GRID2: variants seen among roughly 807,000 people sequenced by gnomAD.
The protein encoded by GRID2 is glutamate ionotropic receptor delta type subunit 2.
GRID2 carries 33 observed loss-of-function variants against 114.8 expected under a neutral mutation model. The observed-to-expected ratio is 0.29, with a 90% confidence interval of 0.22 to 0.38. The LOEUF (loss-of-function observed/expected upper bound fraction) is 0.38, where lower values mean the gene tolerates loss of function less well. GRID2 is among the 10% of genes least tolerant of loss of function. The pLI, the probability that GRID2 is intolerant of heterozygous loss-of-function variation, is 1.00. For missense variants in GRID2, 1,184 were observed against 1,257.7 expected, an observed-to-expected ratio of 0.94 and a Z score of 0.89; for synonymous variants, 505 against 449.9, an observed-to-expected ratio of 1.12 and a Z score of -1.55.
chr4:92,957,996 C>A (rs995350603), intron 2 of GRID2, among the ~76,000 whole-genome samples: 1 of 151,978 alleles, frequency 6.6e-6, no homozygotes, highest in African/African-American at 2.4e-5. Flanking sequence ...TGTATATTAA[C>A]TTTGCATTCT....
chr4:93,190,051 T>A (rs939619877), intron 4 of GRID2, among the ~76,000 whole-genome samples: 1 of 152,150 alleles, frequency 6.6e-6, no homozygotes, highest in African/African-American at 2.4e-5. Flanking sequence ...TGACTTTGCA[T>A]TTATTTTTTA....
At chr4:93,397,916 A>G (rs1765492623) in intron 9 of GRID2, among the ~76,000 whole-genome samples, 1 of 151,292 alleles carries the variant, frequency 6.6e-6, no homozygotes, top group Admixed American at 6.6e-5. Context: ...AATATTTTTG[A>G]GCCTCAGTTT....
intron 2 of GRID2, among the ~76,000 whole-genome samples, chr4:92,612,931 G>A (rs1729827079): frequency 6.6e-6 from 1 of 150,854 alleles, no homozygotes; most frequent in African/African-American, 2.4e-5. Context: ...ATCATTTTTT[G>A]GTTGCAGTGG....
At chr4:92,896,878 G>A (rs927027848) in intron 2 of GRID2, among the ~76,000 whole-genome samples, 5 of 152,162 alleles carry the variant, frequency 3.3e-5, no homozygotes, top group Non-Finnish European at 7.3e-5. Flanking sequence ...GAGTAGCTGG[G>A]ATTACAGGTA....
intron 14 of GRID2, among the ~76,000 whole-genome samples, chr4:93,743,306 C>T (rs1379704252): frequency 6.6e-6 from 1 of 152,112 alleles, no homozygotes; most frequent in Non-Finnish European, 1.5e-5. Context: ...CATAAAAGTG[C>T]AGGGTAAAGC....
At chr4:93,428,726 A>G (rs1769106740) in intron 10 of GRID2, among the ~76,000 whole-genome samples, 1 of 152,130 alleles carries the variant, frequency 6.6e-6, no homozygotes, top group South Asian at 2.1e-4. Flanking sequence ...TCAAATCACT[A>G]TGATATTTAG....
chr4:92,885,997 C>A (rs977751699), intron 2 of GRID2, among the ~76,000 whole-genome samples: 1 of 152,068 alleles, frequency 6.6e-6, no homozygotes, highest in African/African-American at 2.4e-5. Flanking sequence ...GTTCTTAATG[C>A]AAGATCAATA....
chr4:92,947,706 G>C (rs988694579), intron 2 of GRID2, among the ~76,000 whole-genome samples: 1 of 151,782 alleles, frequency 6.6e-6, no homozygotes, highest in African/African-American at 2.4e-5. Flanking sequence ...GGTTGTGTGT[G>C]TGCGTGTATA....
intron 2 of GRID2, among the ~76,000 whole-genome samples, chr4:92,800,363 C>T (rs529568008): frequency 3.3e-5 from 5 of 151,826 alleles, no homozygotes; most frequent in Non-Finnish European, 7.4e-5. Context: ...CAAAGCAACT[C>T]GAAGAGGTAG....
intron 2 of GRID2, among the ~76,000 whole-genome samples, chr4:92,659,675 GA>G (rs930919209): frequency 6.6e-5 from 10 of 151,412 alleles, no homozygotes; most frequent in Non-Finnish European, 1.5e-4. Context: ...GATGTGGGGG[GA>G]AAGTAAGTTA....
At chr4:93,074,177 C>G (rs367632360) in intron 2 of GRID2, among the ~76,000 whole-genome samples, 1 of 152,192 alleles carries the variant, frequency 6.6e-6, no homozygotes, top group African/African-American at 2.4e-5. Flanking sequence ...AGGGCAACAA[C>G]AAGACACATA....
At chr4:92,565,500 T>C (rs1727293032) in intron 1 of GRID2, among the ~76,000 whole-genome samples, 1 of 152,006 alleles carries the variant, frequency 6.6e-6, no homozygotes, top group Non-Finnish European at 1.5e-5. Flanking sequence ...GTTTTCCCCT[T>C]AACACAATTT....
chr4:92,619,397 A>G (rs1730160648), intron 2 of GRID2, among the ~76,000 whole-genome samples: 1 of 151,718 alleles, frequency 6.6e-6, no homozygotes, highest in Non-Finnish European at 1.5e-5. Context: ...TATAGAGTTT[A>G]TCAAGGACCA....
chr4:92,521,098 AATTT>A (rs1304617432), intron 1 of GRID2, among the ~76,000 whole-genome samples: 2 of 151,820 alleles, frequency 1.3e-5, no homozygotes, highest in Non-Finnish European at 2.9e-5. Flanking sequence ...TCAATAAATA[AATTT>A]ATTGAGTTTA....
At chr4:93,114,263 A>G (rs1733034317) in intron 4 of GRID2, among the ~76,000 whole-genome samples, 1 of 152,138 alleles carries the variant, frequency 6.6e-6, no homozygotes, top group South Asian at 2.1e-4. Flanking sequence ...ATTAGTTCAG[A>G]CTTCATTAAA....
chr4:92,900,885 T>A (rs951944864), intron 2 of GRID2, among the ~76,000 whole-genome samples: 2 of 151,268 alleles, frequency 1.3e-5, no homozygotes, highest in Non-Finnish European at 2.9e-5. Flanking sequence ...TTCATCCATA[T>A]TGCTGCTGCA....
At chr4:92,518,696 C>T (rs529197105) in intron 1 of GRID2, among the ~76,000 whole-genome samples, 1 of 151,616 alleles carries the variant, frequency 6.6e-6, no homozygotes, top group African/African-American at 2.4e-5. Context: ...TAATTTACCA[C>T]AGTTAAAAAT....
intron 2 of GRID2, among the ~76,000 whole-genome samples, chr4:92,746,486 T>C (rs762855631): frequency 6.6e-6 from 1 of 152,066 alleles, no homozygotes; most frequent in African/African-American, 2.4e-5. Context: ...TATAGGAGTA[T>C]GTATTAAACT....
At chr4:93,007,451 C>T (rs956988804) in intron 2 of GRID2, among the ~76,000 whole-genome samples, 1 of 152,004 alleles carries the variant, frequency 6.6e-6, no homozygotes, top group East Asian at 1.9e-4. Flanking sequence ...CAAAATAAAG[C>T]AGCAGTAAAG....
Sources: gnomAD v4.1 joint callset for allele counts (sites outside exome capture counted in the v4.1 genomes callset) on GRCh38, gnomAD v4.1.1 for gene constraint, MANE v1.5 for transcripts, NCBI Gene and HGNC (gene_info 2026-07-23, HGNC 2026-07-21) for gene names.